The following EIF2AK1 variants were observed in gnomAD, a reference collection of about 807,000 sequenced individuals.
The protein encoded by EIF2AK1 is eukaryotic translation initiation factor 2 alpha kinase 1.
A neutral mutation model predicts 77.9 loss-of-function variants in EIF2AK1; 54 were observed. That is an observed-to-expected ratio of 0.69 (90% CI 0.56 to 0.87). EIF2AK1 has a LOEUF of 0.87. EIF2AK1 is among the 40% of genes least tolerant of loss of function. The probability of loss-of-function intolerance (pLI) is 0.00; values close to 1 mark genes in which losing one functional copy is unlikely to be tolerated. For synonymous variants in EIF2AK1, 314 were observed against 290.5 expected (o/e 1.08, Z -0.82); for missense variants, 810 against 768.6 (o/e 1.05, Z -0.64).
chr7:6,026,550 A>G, intron 14 of EIF2AK1, 178 bp downstream of exon 14: 2 of 713,166 alleles, frequency 2.8e-6, no homozygotes, highest in Non-Finnish European at 5.2e-6. Flanking sequence ...GAGTCCTGCC[A>G]GCACACCCTG....
rs115390198 is a variant in EIF2AK1, at chr7:6,047,166, G to T, written c.450-75C>A. On this transcript the variant is annotated intron_variant, in intron 4 of 14. Transcript: ENST00000199389. ...TGTTCTAGGATACCTCATGCTCACA[G>T]GATTACTAACCTCACAAACCTCATG... 1,029 of 1,396,758 alleles carry T rather than the reference G, an allele frequency of 7.4e-4. 8 individuals carry two copies. The African/African-American group carries it at 0.013, about 18-fold the overall frequency. The allele number at this position is 1,396,758 out of a possible 1,614,324, so 86.5% of individuals were successfully genotyped here. A position where few individuals can be genotyped will look rare whatever the true frequency, so the allele number is the denominator to read the frequency against.
Position 6,027,761 on chromosome 7 carries a change from A to C in EIF2AK1, c.1531-800T>G, listed in dbSNP as rs1437767666. Among the ~76,000 whole-genome samples the C allele has an allele frequency of 6.6e-6, 1 of 152,128 alleles. No homozygotes were observed. Reference sequence around the variant, plus strand: ...GGTGAACAGTGATGTTTTAAAGGGAAAGCTCATTTCAAAATCGATTTAGGC... The same window carrying C: ...GGTGAACAGTGATGTTTTAAAGGGACAGCTCATTTCAAAATCGATTTAGGC... On this transcript the variant is annotated intron_variant, in intron 13 of 14. Coordinates refer to ENST00000199389, the MANE Select transcript of EIF2AK1 (RefSeq NM_014413.4). This position sits in a 1 kb window ranked among gnomAD's most constrained non-coding sequence, Gnocchi z 4.5.
In EIF2AK1 at chr7:6,024,627, T is replaced by G. The variant is rs572751919; in HGVS notation, c.*46A>C. The G allele has an allele frequency of 6.2e-7, 1 of 1,612,288 alleles. No homozygotes were observed. The highest frequency in any genetic ancestry group is 1.1e-5 in the South Asian group (1 of 90,784). Reference sequence around the variant, plus strand: ...GTACCAACTATACCCTAATAAAGATTAAAAATTTACATTCCAGTTAACTAC... The same window carrying G: ...GTACCAACTATACCCTAATAAAGATGAAAAATTTACATTCCAGTTAACTAC... On this transcript the variant is annotated 3_prime_UTR_variant, in exon 15 of 15. Transcript: ENST00000199389.
At position 6,023,996 on chromosome 7, in the gene EIF2AK1, G is replaced by A. The variant is rs1188197442; in HGVS notation, c.*677C>T. The A allele has an allele frequency of 2.2e-6, 3 of 1,349,630 alleles. No homozygotes were observed. The highest frequency in any genetic ancestry group is 2.9e-6 in the Non-Finnish European group (3 of 1,029,652). The allele number at this position is 1,349,630 out of a possible 1,614,324, so 83.6% of individuals were successfully genotyped here. A position where few individuals can be genotyped will look rare whatever the true frequency, so the allele number is the denominator to read the frequency against. ...TGGGGAGCTGAGTGCTACAATAAAGGAGGAAGTACCGGGGAACAGTGCAGG... is the reference window on the plus strand; with the variant it reads ...TGGGGAGCTGAGTGCTACAATAAAGAAGGAAGTACCGGGGAACAGTGCAGG... On this transcript the variant is annotated 3_prime_UTR_variant, in exon 15 of 15. Transcript: ENST00000199389.
chr7:6,057,492 C>G (rs1788815499), intron 1 of EIF2AK1: 1 of 151,708 alleles, frequency 6.6e-6, no homozygotes, highest in Admixed American at 6.6e-5. Flanking sequence ...TTAAAATCTC[C>G]CTGAATCGTG....
intron 5 of EIF2AK1, 80 bp from the exon 6 acceptor site, chr7:6,046,231 A>C (rs993867513): frequency 2.8e-5 from 21 of 760,418 alleles, no homozygotes; most frequent in South Asian, 1.1e-4. Flanking sequence ...ATCTGAGCTT[A>C]GACAATCCAA....
Position 6,026,764 on chromosome 7 carries a change from C to G in EIF2AK1, c.1728G>C (p.Gln576His). ...TTTGGAAAAGTTCACTCTGCAGCAG[C>G]TGAATGGCAGATGGTCTCTGCGATG... ...RNSSQRPSAIQLLQSELFQNS... is the reference protein window; with the variant it reads ...RNSSQRPSAIHLLQSELFQNS... Residue 576 changes from glutamine (Q) to histidine (H), a missense_variant, in exon 14 of 15, where the codon CAG becomes CAC. This residue lies in a region of EIF2AK1 where 549 missense variants were observed against 533.7 expected (regional missense o/e 1.03). Transcript: ENST00000199389. 1 of 1,614,224 alleles carries G rather than the reference C, an allele frequency of 6.2e-7. No individual in the cohort carries two copies. The highest frequency in any genetic ancestry group is 1.7e-5 in the Admixed American group (1 of 60,028).
At chr7:6,057,754 C>T (rs1019804695) in intron 1 of EIF2AK1, 82 of 165,182 alleles carry the variant, frequency 5.0e-4, no homozygotes, top group Non-Finnish European at 1.6e-4. Context: ...GCCTCAGCCT[C>T]GAAAGTAGCT....
At position 6,041,190 on chromosome 7, in the gene EIF2AK1, C is replaced by T. The variant is rs749098414; in HGVS notation, c.821G>A (p.Ser274Asn). ...REQCGVKNDE[S>N]SSSSIIFAEP... ...AGCAAAGATAATGGATGAGCTGCTA[C>T]TTTCATCATTTTTAACACCACATTG... Residue 274 changes from serine (S) to asparagine (N), a missense_variant, in exon 9 of 15, where the codon AGT becomes AAT. Around this residue, in one of 3 missense-constraint regions of EIF2AK1, gnomAD observed 549 missense variants for 533.7 expected, o/e 1.03. Coordinates refer to ENST00000199389, the MANE Select transcript of EIF2AK1 (RefSeq NM_014413.4). 1 of 1,609,958 alleles carries T rather than the reference C, an allele frequency of 6.2e-7. No homozygotes were observed. Among genetic ancestry groups the T allele is most frequent in the Non-Finnish European group, 8.5e-7 (1 of 1,179,182 alleles).
At position 6,033,992 on chromosome 7, in the gene EIF2AK1, G is replaced by C. The variant is rs906207782; in HGVS notation, c.1332+3432C>G. 9.9e-5 allele frequency among the ~76,000 whole-genome samples: 15 copies of C among 151,952 alleles called. No individual in the cohort carries two copies. The highest frequency in any genetic ancestry group is 3.4e-3 in the Middle Eastern group (1 of 294). ...AATCAATGCCTGACACTTAGCACGTGCTCAGTAATACTATCCGAGTGAATG... is the reference window on the plus strand; with the variant it reads ...AATCAATGCCTGACACTTAGCACGTCCTCAGTAATACTATCCGAGTGAATG... On this transcript the variant is annotated intron_variant, in intron 11 of 14. Coordinates refer to ENST00000199389, the MANE Select transcript of EIF2AK1 (RefSeq NM_014413.4). The surrounding 1 kb of genome is among the most constrained non-coding windows in gnomAD (Gnocchi z 4.4).
rs775754602 is a variant in EIF2AK1 at position 6,024,246 on chromosome 7, A to G, written c.*427T>C. 4.9e-6 allele frequency: 6 copies of G among 1,216,860 alleles called. No homozygotes were observed. Among genetic ancestry groups the G allele is most frequent in the Non-Finnish European group, 6.3e-6 (6 of 957,958 alleles). The allele number at this position is 1,216,860 out of a possible 1,614,324, so 75.4% of individuals were successfully genotyped here. ...GAAATGATGAGGCGTCCTTCAGGTA[A>G]TGAACTTCAGCTGCAGTGTGAAAGG... is the stretch of plus-strand genomic sequence containing the variant. On this transcript the variant is annotated 3_prime_UTR_variant, in exon 15 of 15. Coordinates refer to ENST00000199389, the MANE Select transcript of EIF2AK1 (RefSeq NM_014413.4).
Position 6,041,027 on chromosome 7 carries a change from A to G in EIF2AK1, c.984T>C (p.Asn328=), listed in dbSNP as rs1237006916. 6.2e-7 allele frequency: 1 copy of G among 1,614,032 alleles called. No homozygotes were observed. Among genetic ancestry groups the G allele is most frequent in the African/African-American group, 1.3e-5 (1 of 74,956 alleles). ...AACTGGCAGACAAACCAGCCAAGCC[A>G]TTTTCCTGGAGCTCCAGGGTCGACT... ...ELESTLELQE[N]GLAGLSASSI... Residue 328 remains asparagine (N), a synonymous_variant, in exon 9 of 15, where the codon AAT becomes AAC. Coordinates refer to ENST00000199389, the MANE Select transcript of EIF2AK1 (RefSeq NM_014413.4).
At chr7:6,031,577 T>G (rs775394724) in intron 11 of EIF2AK1, 3 of 1,550,604 alleles carry the variant, frequency 1.9e-6, no homozygotes, top group Non-Finnish European at 2.6e-6. Flanking sequence ...CAGCAACAGA[T>G]TACTTCTGAC....
At position 6,024,064 on chromosome 7, in the gene EIF2AK1, G is replaced by C; in HGVS notation, c.*609C>G. ...ATCTGAGCTGCCTGGAGATCATCTG[G>C]GGTGCGGAGTACAAAGCTTTGCAAG... On this transcript the variant is annotated 3_prime_UTR_variant, in exon 15 of 15. Coordinates refer to ENST00000199389, the MANE Select transcript of EIF2AK1 (RefSeq NM_014413.4). 2 of 1,306,614 alleles carry C rather than the reference G, an allele frequency of 1.5e-6. No homozygotes were observed. The highest frequency in any genetic ancestry group is 2.0e-6 in the Non-Finnish European group (2 of 1,001,076). The allele number at this position is 1,306,614 out of a possible 1,614,324, so 80.9% of individuals were successfully genotyped here. A position where few individuals can be genotyped will look rare whatever the true frequency, so the allele number is the denominator to read the frequency against.
intron 1 of EIF2AK1, 65 bp downstream of exon 1, chr7:6,058,901 T>A: frequency 7.1e-7 from 1 of 1,401,176 alleles, no homozygotes; most frequent in Non-Finnish European, 9.5e-7. Flanking sequence ...AGGGCTGCCT[T>A]TGCCGCCCAG....
At position 6,036,410 on chromosome 7, in the gene EIF2AK1, C is replaced by G. The variant is rs1057193418; in HGVS notation, c.1332+1014G>C. The G allele has an allele frequency of 4.3e-5, 62 of 1,431,570 alleles. No homozygotes were observed. In the African/African-American group the frequency reaches 7.9e-4, roughly 18 times the overall value. 88.7% of individuals were successfully genotyped at this position (1,431,570 alleles called of 1,614,324 possible). ...GAAATAAGACCTCCCAGTTTCACAG[C>G]AGAGGGACTTTCAGCCACTCAAACT... On this transcript the variant is annotated intron_variant, in intron 11 of 14. Coordinates refer to ENST00000199389, the MANE Select transcript of EIF2AK1 (RefSeq NM_014413.4). This position sits in a 1 kb window ranked among gnomAD's most constrained non-coding sequence, Gnocchi z 4.6.
At chr7:6,026,434 C>A in intron 14 of EIF2AK1, 1 of 581,144 alleles carries the variant, frequency 1.7e-6, no homozygotes, top group East Asian at 4.2e-5. Context: ...AAGTTTCCTA[C>A]CGGCCTTCGC....
chr7:6,048,885 T>C, intron 3 of EIF2AK1, 41 bp from the exon 4 acceptor site: 4 of 1,409,256 alleles, frequency 2.8e-6, no homozygotes, highest in Non-Finnish European at 3.9e-6. Context: ...TTTTGAAAAC[T>C]TGCATGGAAT....
In EIF2AK1 at chr7:6,032,799, C is replaced by T; in HGVS notation, c.1333-3767G>A. 3 of 1,495,106 alleles carry T rather than the reference C, an allele frequency of 2.0e-6. No individual in the cohort carries two copies. Among genetic ancestry groups the T allele is most frequent in the Non-Finnish European group, 2.7e-6 (3 of 1,097,542 alleles). 92.6% of individuals were successfully genotyped at this position (1,495,106 alleles called of 1,614,324 possible). A position where few individuals can be genotyped will look rare whatever the true frequency, so the allele number is the denominator to read the frequency against. ...CTAACACAAACAGTATTTTTAACTA[C>T]ACAGGGCCACTTGTAATGTGTTTTG... On this transcript the variant is annotated intron_variant, in intron 11 of 14. Coordinates refer to ENST00000199389, the MANE Select transcript of EIF2AK1 (RefSeq NM_014413.4). The surrounding 1 kb of genome is among the most constrained non-coding windows in gnomAD (Gnocchi z 4.3).
Sources: gnomAD v4.1 joint callset for allele counts (sites outside exome capture counted in the v4.1 genomes callset) on GRCh38, gnomAD v4.1.1 for gene constraint, gnomAD v4.1.1 regional missense constraint, Gnocchi (gnomAD v3.1) non-coding constraint, MANE v1.5 for transcripts, NCBI Gene and HGNC (gene_info 2026-07-23, HGNC 2026-07-21) for gene names.